The following TENM2 variants were observed in gnomAD, a reference collection of about 807,000 sequenced individuals.
TENM2 encodes the protein teneurin transmembrane protein 2.
Under a neutral mutation model 245.2 loss-of-function variants are expected in TENM2, and 52 were observed. The ratio of observed to expected loss-of-function variants is 0.21; its 90% CI spans 0.17 to 0.27. TENM2 has a LOEUF of 0.27. Among genes scored for constraint, TENM2 ranks in the 10% least tolerant of loss-of-function variants. TENM2 has a pLI of 1.00. For missense variants in TENM2, 3,046 were observed against 3,666.8 expected (o/e 0.83, Z 4.37); for synonymous variants, 1,363 against 1,438.9 (o/e 0.95, Z 1.19).
chr5:168,060,330 C>G (rs1789932136), intron 6 of TENM2, among the ~76,000 whole-genome samples: 1 of 152,156 alleles, frequency 6.6e-6, no homozygotes. Context: ...AGGAGGATCA[C>G]TTGAGCCCAG....
the TENM2 span, among the ~76,000 whole-genome samples, chr5:167,184,872 T>A: frequency 6.6e-6 from 1 of 152,200 alleles, no homozygotes; most frequent in African/African-American, 2.4e-5. Context: ...GTCTTTAAGG[T>A]AAGATGCAGC....
Position 168,190,229 on chromosome 5 carries a change from G to C in TENM2, c.2570-108G>C, listed in dbSNP as rs76686702. On this transcript the variant is annotated intron_variant, in intron 13 of 28. Coordinates refer to ENST00000518659, the Ensembl canonical transcript of TENM2. Reference sequence around the variant, plus strand: ...GAAACCTGCCACCTCAGGCCCTTGGGTACGTTTGATGCTGCTCATGCCTGT... The same window carrying C: ...GAAACCTGCCACCTCAGGCCCTTGGCTACGTTTGATGCTGCTCATGCCTGT... 296 of 766,114 alleles carry C rather than the reference G, an allele frequency of 3.9e-4. 4 individuals carry two copies. The East Asian group carries it at 8.0e-3, about 21-fold the overall frequency. 47.5% of individuals were successfully genotyped at this position (766,114 alleles called of 1,614,324 possible). A position where few individuals can be genotyped will look rare whatever the true frequency, so the allele number is the denominator to read the frequency against.
the TENM2 span, among the ~76,000 whole-genome samples, chr5:167,119,948 A>G: frequency 6.6e-6 from 1 of 152,160 alleles, no homozygotes; most frequent in East Asian, 1.9e-4. Flanking sequence ...CTTCATCCCA[A>G]CCTGGGAATG....
Position 167,656,109 on chromosome 5 carries a change from T to G in TENM2, c.503-219877T>G, listed in dbSNP as rs150855519. ...TAGTGGGAATACTCAGGCCATAAAG[T>G]GCTGCAACTTTGAGACTCTTTAAAT... On this transcript the variant is annotated intron_variant, in intron 2 of 28. Coordinates refer to ENST00000518659, the Ensembl canonical transcript of TENM2. Among the ~76,000 whole-genome samples the G allele has an allele frequency of 8.0e-3, 1,222 of 152,240 alleles. 21 individuals are homozygous for G. The highest frequency in any genetic ancestry group is 0.028 in the African/African-American group (1,162 of 41,546).
At chr5:167,924,172 C>T (rs541427975) in intron 3 of TENM2, among the ~76,000 whole-genome samples, 1 of 152,274 alleles carries the variant, frequency 6.6e-6, no homozygotes, top group African/African-American at 2.4e-5. Flanking sequence ...AACATCAGTC[C>T]CATATTTGTC....
chr5:168,243,973 TC>T (rs1281933420), intron 25 of TENM2, among the ~76,000 whole-genome samples: 3 of 144,662 alleles, frequency 2.1e-5, no homozygotes, highest in African/African-American at 7.6e-5. Context: ...AGAGTCTCAC[TC>T]TGTCACCCAG....
intron 2 of TENM2, among the ~76,000 whole-genome samples, chr5:167,661,888 A>G: frequency 6.6e-6 from 1 of 152,170 alleles, no homozygotes; most frequent in East Asian, 1.9e-4. Context: ...ACAACTAGAA[A>G]TTCAATAGAA....
chr5:167,612,344 C>T (rs1204618280), intron 2 of TENM2, among the ~76,000 whole-genome samples: 1 of 152,022 alleles, frequency 6.6e-6, no homozygotes, highest in Non-Finnish European at 1.5e-5. Flanking sequence ...ACGAACTCAC[C>T]CAACCCCCAA....
chr5:166,990,318 C>A, the TENM2 span, among the ~76,000 whole-genome samples: 2 of 152,156 alleles, frequency 1.3e-5, no homozygotes, highest in Non-Finnish European at 2.9e-5. Flanking sequence ...TATATTTATC[C>A]TTCCATCACT....
At chr5:167,153,506 G>C in the TENM2 span, among the ~76,000 whole-genome samples, 2 of 152,030 alleles carry the variant, frequency 1.3e-5, no homozygotes, top group Non-Finnish European at 2.9e-5. Context: ...GGGTGGAAGA[G>C]GGGGAGGAGG....
At chr5:167,785,066 A>T (rs1460970580) in intron 2 of TENM2, among the ~76,000 whole-genome samples, 4 of 152,168 alleles carry the variant, frequency 2.6e-5, no homozygotes, top group Non-Finnish European at 4.4e-5. Context: ...TAAGAGGAAA[A>T]TTTTTTACAT....
At chr5:167,449,149 A>G (rs1765405031) in intron 2 of TENM2, among the ~76,000 whole-genome samples, 2 of 152,230 alleles carry the variant, frequency 1.3e-5, no homozygotes, top group African/African-American at 4.8e-5. Context: ...TAAAGCTTGT[A>G]GGCAAGTGTG....
At chr5:167,317,567 T>C (rs1434159857) in intron 1 of TENM2, among the ~76,000 whole-genome samples, 1 of 152,202 alleles carries the variant, frequency 6.6e-6, no homozygotes, top group African/African-American at 2.4e-5. Context: ...TTTCCACATC[T>C]CCATCTCTGT....
At chr5:167,097,904 CT>C in the TENM2 span, among the ~76,000 whole-genome samples, 1 of 152,104 alleles carries the variant, frequency 6.6e-6, no homozygotes, top group Non-Finnish European at 1.5e-5. Flanking sequence ...TGGGTGACTC[CT>C]TTTTTGCTTT....
In TENM2 at chr5:168,218,149, C is replaced by A; in HGVS notation, c.4258C>A (p.Leu1420Ile). ...GGTTCGTCTGGAGTGGCCAACAGACCTTGCTGTCAATCCCATGGATAACTC... is the reference window on the plus strand; with the variant it reads ...GGTTCGTCTGGAGTGGCCAACAGACATTGCTGTCAATCCCATGGATAACTC... The change falls in exon 23 of 29, where the codon CTT (leucine) becomes ATT (isoleucine). Residue 1420 changes from leucine to isoleucine, a missense_variant. Leu to Ile is a conservative substitution (Grantham distance 5). Around this residue, in one of 2 missense-constraint regions of TENM2, gnomAD observed 2,704 missense variants for 3,331.9 expected, o/e 0.81. Coordinates refer to ENST00000518659, the Ensembl canonical transcript of TENM2. This position sits in a 1 kb window ranked among gnomAD's most constrained non-coding sequence, Gnocchi z 5.2. 6.2e-7 allele frequency: 1 copy of A among 1,613,430 alleles called. No individual in the cohort carries two copies. Among genetic ancestry groups the A allele is most frequent in the Non-Finnish European group, 8.5e-7 (1 of 1,179,470 alleles).
the TENM2 span, among the ~76,000 whole-genome samples, chr5:167,025,490 T>C: frequency 2.0e-5 from 3 of 152,212 alleles, no homozygotes; most frequent in African/African-American, 7.2e-5. Flanking sequence ...ATTAATTAAA[T>C]AAAATTAAAA....
the TENM2 span, among the ~76,000 whole-genome samples, chr5:167,182,589 T>TA: frequency 3.3e-5 from 5 of 152,188 alleles, no homozygotes; most frequent in Admixed American, 6.5e-5. Context: ...CTACATTCTT[T>TA]AAAAAATCCA....
chr5:167,771,088 A>C (rs550719376), intron 2 of TENM2, among the ~76,000 whole-genome samples: 1 of 152,242 alleles, frequency 6.6e-6, no homozygotes, highest in African/African-American at 2.4e-5. Flanking sequence ...GAGAAGAGAG[A>C]AAAAGAGAGC....
chr5:168,008,833 A>G (rs1325126868), intron 5 of TENM2, among the ~76,000 whole-genome samples: 1 of 152,166 alleles, frequency 6.6e-6, no homozygotes, highest in Non-Finnish European at 1.5e-5. Context: ...TGGCCAAAAC[A>G]TTTTTTATTG....
Sources: gnomAD v4.1 joint callset for allele counts (sites outside exome capture counted in the v4.1 genomes callset) on GRCh38, gnomAD v4.1.1 for gene constraint, gnomAD v4.1.1 regional missense constraint, Gnocchi (gnomAD v3.1) non-coding constraint, MANE v1.5 for transcripts, NCBI Gene and HGNC (gene_info 2026-07-23, HGNC 2026-07-21) for gene names.